NEGR1: variants seen among roughly 807,000 people sequenced by gnomAD.
The protein encoded by NEGR1 is neuronal growth regulator 1, also known as IgLON family member 4.
In NEGR1, 10 loss-of-function variants were observed where a neutral mutation model predicts 40.9. That is an observed-to-expected ratio of 0.24 (90% CI 0.15 to 0.42). The LOEUF (loss-of-function observed/expected upper bound fraction) is 0.42. Ranked by LOEUF, NEGR1 falls within the 10% of genes least tolerant of loss-of-function variation. NEGR1 has a pLI of 1.00. For missense variants in NEGR1, 352 were observed against 438.9 expected, an observed-to-expected ratio of 0.80 and a Z score of 1.77; for synonymous variants, 185 against 166.8, an observed-to-expected ratio of 1.11 and a Z score of -0.84.
intron 2 of NEGR1, among the ~76,000 whole-genome samples, chr1:71,918,434 G>A (rs1269885316): frequency 2.0e-5 from 3 of 151,984 alleles, no homozygotes; most frequent in Admixed American, 1.3e-4. Context: ...AACTCTCCAT[G>A]AGAGATGGAT....
intron 3 of NEGR1, among the ~76,000 whole-genome samples, chr1:71,747,844 T>TA: frequency 6.6e-6 from 1 of 151,490 alleles, no homozygotes; most frequent in East Asian, 1.9e-4. Context: ...TTTTTTTTTT[T>TA]AACATTTATA....
chr1:71,566,322 G>A (rs1262233776), intron 6 of NEGR1, among the ~76,000 whole-genome samples: 3 of 151,736 alleles, frequency 2.0e-5, no homozygotes, highest in Non-Finnish European at 2.9e-5. Flanking sequence ...AACAAACTAG[G>A]GTAAAACATT....
At chr1:72,030,122 C>A (rs1313416929) in intron 1 of NEGR1, among the ~76,000 whole-genome samples, 1 of 151,738 alleles carries the variant, frequency 6.6e-6, no homozygotes, top group Non-Finnish European at 1.5e-5. Flanking sequence ...CCAATGTTCT[C>A]TGGTGCTCAC....
At chr1:71,868,886 C>T (rs1660197129) in intron 2 of NEGR1, among the ~76,000 whole-genome samples, 1 of 152,046 alleles carries the variant, frequency 6.6e-6, no homozygotes, top group Non-Finnish European at 1.5e-5. Context: ...ATACGCCTTA[C>T]CCCCAATATG....
chr1:71,790,835 G>C (rs915463055), intron 2 of NEGR1, among the ~76,000 whole-genome samples: 2 of 151,982 alleles, frequency 1.3e-5, no homozygotes, highest in African/African-American at 4.8e-5. Flanking sequence ...ACATACCTTT[G>C]TATATGAGGA....
intron 2 of NEGR1, among the ~76,000 whole-genome samples, chr1:71,908,286 T>A (rs767127161): frequency 6.6e-6 from 1 of 152,162 alleles, no homozygotes; most frequent in Non-Finnish European, 1.5e-5. Context: ...TTTTTGAATC[T>A]TCTCCAGCAC....
intron 1 of NEGR1, among the ~76,000 whole-genome samples, chr1:72,248,649 A>G (rs1464516649): frequency 6.7e-6 from 1 of 149,590 alleles, no homozygotes; most frequent in Non-Finnish European, 1.5e-5. Context: ...GCCAGGCTGC[A>G]GTATAGTGGT....
At chr1:72,051,196 A>G (rs1365195272) in intron 1 of NEGR1, among the ~76,000 whole-genome samples, 1 of 151,528 alleles carries the variant, frequency 6.6e-6, no homozygotes, top group Non-Finnish European at 1.5e-5. Context: ...AATGCACACC[A>G]AGATTATGCT....
At chr1:71,612,007 G>A (rs1429250436) in intron 4 of NEGR1, among the ~76,000 whole-genome samples, 3 of 152,186 alleles carry the variant, frequency 2.0e-5, no homozygotes, top group African/African-American at 7.2e-5. Flanking sequence ...TGGCCCACGA[G>A]GTCAGGAGAT....
At chr1:72,252,460 A>C (rs1006596237) in intron 1 of NEGR1, among the ~76,000 whole-genome samples, 2 of 152,210 alleles carry the variant, frequency 1.3e-5, no homozygotes, top group Non-Finnish European at 2.9e-5. Context: ...AAAATATTTC[A>C]AACTATAGCA....
chr1:71,948,496 T>TGAGA (rs200382559), intron 1 of NEGR1, among the ~76,000 whole-genome samples: 41 of 148,592 alleles, frequency 2.8e-4, no homozygotes, highest in Middle Eastern at 3.5e-3. Flanking sequence ...TGTGTGTGTG[T>TGAGA]GAGAGAGAGA....
intron 1 of NEGR1, among the ~76,000 whole-genome samples, chr1:71,954,835 G>T (rs989275979): frequency 6.6e-6 from 1 of 152,036 alleles, no homozygotes; most frequent in African/African-American, 2.4e-5. Flanking sequence ...GTGGCTGTCA[G>T]CCACACACAG....
At chr1:72,062,406 CT>C (rs1647193256) in intron 1 of NEGR1, among the ~76,000 whole-genome samples, 1 of 151,836 alleles carries the variant, frequency 6.6e-6, no homozygotes, top group South Asian at 2.1e-4. Flanking sequence ...AGCAATATTC[CT>C]TAGGTGCTAT....
At chr1:72,043,667 A>C (rs1646975421) in intron 1 of NEGR1, among the ~76,000 whole-genome samples, 1 of 151,936 alleles carries the variant, frequency 6.6e-6, no homozygotes, top group Non-Finnish European at 1.5e-5. Flanking sequence ...TCATATTGTC[A>C]TATGTCTGAA....
At chr1:71,644,637 T>C (rs928068938) in intron 4 of NEGR1, among the ~76,000 whole-genome samples, 3 of 152,000 alleles carry the variant, frequency 2.0e-5, no homozygotes, top group Non-Finnish European at 4.4e-5. Flanking sequence ...ATCTTGAGAA[T>C]GCAACTTAAA....
chr1:71,578,940 G>A (rs754812181), intron 6 of NEGR1, among the ~76,000 whole-genome samples: 17 of 152,064 alleles, frequency 1.1e-4, no homozygotes, highest in South Asian at 6.2e-4. Context: ...ATCAAAAGTC[G>A]TAGAGAATTT....
At chr1:71,441,690 A>G (rs1214858052) in intron 6 of NEGR1, among the ~76,000 whole-genome samples, 1 of 152,202 alleles carries the variant, frequency 6.6e-6, no homozygotes. Context: ...CAGCTATTAG[A>G]AAATGGGAAT....
At chr1:72,181,639 A>G (rs956842697) in intron 1 of NEGR1, among the ~76,000 whole-genome samples, 5 of 152,170 alleles carry the variant, frequency 3.3e-5, no homozygotes, top group African/African-American at 9.6e-5. Context: ...TCATTCCAGC[A>G]TAATTCACAA....
At chr1:71,737,361 TC>T (rs1434552571) in intron 3 of NEGR1, among the ~76,000 whole-genome samples, 2 of 151,500 alleles carry the variant, frequency 1.3e-5, no homozygotes, top group Non-Finnish European at 1.5e-5. Flanking sequence ...TTTTTTTTTT[TC>T]CTTGGGAGGG....
Sources: gnomAD v4.1 joint callset for allele counts (sites outside exome capture counted in the v4.1 genomes callset) on GRCh38, gnomAD v4.1.1 for gene constraint, MANE v1.5 for transcripts, NCBI Gene and HGNC (gene_info 2026-07-23, HGNC 2026-07-21) for gene names.